Variants in MSRA observed in about 807,000 individuals in gnomAD.
MSRA encodes the protein methionine sulfoxide reductase A, also known as mitochondrial peptide methionine sulfoxide reductase.
A neutral mutation model predicts 31.3 loss-of-function variants in MSRA; 54 were observed. The ratio of observed to expected loss-of-function variants is 1.73; its 90% CI spans 1.39 to 2.17. The LOEUF (loss-of-function observed/expected upper bound fraction) is 2.17. Ranked by LOEUF, MSRA falls within the 30% of genes most tolerant of loss-of-function variation. MSRA has a pLI of 0.00. For missense variants in MSRA, 507 were observed against 300.9 expected, an observed-to-expected ratio of 1.69 and a Z score of -5.07; for synonymous variants, 169 against 116.5, an observed-to-expected ratio of 1.45 and a Z score of -2.90.
At chr8:10,069,282 C>A (rs1797612444) in intron 1 of MSRA, among the ~76,000 whole-genome samples, 1 of 152,164 alleles carries the variant, frequency 6.6e-6, no homozygotes, top group South Asian at 2.1e-4. Flanking sequence ...TTAGCTAGGA[C>A]TTCTAGTATG....
At chr8:10,174,517 T>C (rs1805868531) in intron 1 of MSRA, among the ~76,000 whole-genome samples, 1 of 152,042 alleles carries the variant, frequency 6.6e-6, no homozygotes, top group African/African-American at 2.4e-5. Flanking sequence ...CTCCCATGAC[T>C]TCCCAGCTCA....
At chr8:10,410,359 C>T (rs1398920480) in intron 5 of MSRA, among the ~76,000 whole-genome samples, 4 of 152,206 alleles carry the variant, frequency 2.6e-5, no homozygotes, top group African/African-American at 7.2e-5. Flanking sequence ...AAGGGTGGAA[C>T]AGGATGCAAG....
chr8:10,072,269 C>T (rs1797772606), intron 1 of MSRA, among the ~76,000 whole-genome samples: 1 of 150,198 alleles, frequency 6.7e-6, no homozygotes, highest in African/African-American at 2.5e-5. Context: ...TGAGTGGGGG[C>T]TGAAAGGCTG....
At chr8:10,054,907 G>T (rs1802243171) in intron 1 of MSRA, among the ~76,000 whole-genome samples, 1 of 152,234 alleles carries the variant, frequency 6.6e-6, no homozygotes, top group Non-Finnish European at 1.5e-5. Context: ...AAGGAATCTA[G>T]TGCATCGGTC....
At chr8:10,409,652 C>T (rs1808036061) in intron 5 of MSRA, among the ~76,000 whole-genome samples, 1 of 152,232 alleles carries the variant, frequency 6.6e-6, no homozygotes, top group Non-Finnish European at 1.5e-5. Flanking sequence ...AGGGTGAATG[C>T]ATACGCAGCA....
chr8:10,391,596 A>C (rs1400119302), intron 5 of MSRA, among the ~76,000 whole-genome samples: 2 of 152,274 alleles, frequency 1.3e-5, no homozygotes, highest in Non-Finnish European at 2.9e-5. Flanking sequence ...GCCAACAGTC[A>C]GGTGACAAGA....
At chr8:10,279,508 C>A (rs189080325) in intron 3 of MSRA, among the ~76,000 whole-genome samples, 4 of 152,182 alleles carry the variant, frequency 2.6e-5, no homozygotes, top group African/African-American at 9.7e-5. Context: ...TCCTCCCACC[C>A]TACCCCCCAC....
At chr8:10,123,638 T>C (rs1050643135) in intron 1 of MSRA, among the ~76,000 whole-genome samples, 8 of 152,196 alleles carry the variant, frequency 5.3e-5, no homozygotes, top group African/African-American at 1.7e-4. Context: ...AGAGTTTTTA[T>C]AGTTTTGAGG....
chr8:10,379,518 A>G (rs906245478), intron 5 of MSRA, among the ~76,000 whole-genome samples: 9 of 152,020 alleles, frequency 5.9e-5, no homozygotes, highest in African/African-American at 2.2e-4. Context: ...TCATTTCCTG[A>G]GCATCCTGGT....
chr8:10,118,351 A>G (rs1202560944), intron 1 of MSRA, among the ~76,000 whole-genome samples: 1 of 152,200 alleles, frequency 6.6e-6, no homozygotes, highest in Non-Finnish European at 1.5e-5. Flanking sequence ...GGGGAAGCAC[A>G]GCTATGTAAA....
intron 3 of MSRA, among the ~76,000 whole-genome samples, chr8:10,261,353 G>T (rs1169471218): frequency 6.9e-6 from 1 of 144,410 alleles, no homozygotes; most frequent in Admixed American, 7.0e-5. Flanking sequence ...GGATAAAATT[G>T]TTTCTGTCTT....
At chr8:10,172,868 C>G (rs1438146646) in intron 1 of MSRA, among the ~76,000 whole-genome samples, 1 of 152,066 alleles carries the variant, frequency 6.6e-6, no homozygotes, top group Admixed American at 6.5e-5. Flanking sequence ...TGCTGTGTTA[C>G]AAAGATGAAA....
chr8:10,171,927 G>A (rs777061455), intron 1 of MSRA, among the ~76,000 whole-genome samples: 1 of 152,210 alleles, frequency 6.6e-6, no homozygotes, highest in Non-Finnish European at 1.5e-5. Flanking sequence ...ATGAGAGAAT[G>A]CACTATGTGA....
intron 1 of MSRA, among the ~76,000 whole-genome samples, chr8:10,168,041 A>G (rs1805293350): frequency 6.6e-6 from 1 of 152,160 alleles, no homozygotes; most frequent in African/African-American, 2.4e-5. Flanking sequence ...GGAACCCAAC[A>G]GTTTGGGTTG....
chr8:10,249,077 C>G (rs1292830617), intron 3 of MSRA, among the ~76,000 whole-genome samples: 1 of 152,162 alleles, frequency 6.6e-6, no homozygotes, highest in African/African-American at 2.4e-5. Flanking sequence ...TGGCCACTCT[C>G]TTGGGTGTTC....
intron 1 of MSRA, among the ~76,000 whole-genome samples, chr8:10,190,855 C>T (rs1807445750): frequency 6.6e-6 from 1 of 152,290 alleles, no homozygotes; most frequent in African/African-American, 2.4e-5. Context: ...TCATCCCGTC[C>T]TTACGTGTTT....
chr8:10,204,509 G>C (rs2129058574), intron 1 of MSRA, among the ~76,000 whole-genome samples: 1 of 152,200 alleles, frequency 6.6e-6, no homozygotes, highest in African/African-American at 2.4e-5. Context: ...TTGTATTACA[G>C]TTGACTACAG....
At chr8:10,331,452 C>T (rs1802695071) in intron 5 of MSRA, among the ~76,000 whole-genome samples, 1 of 152,176 alleles carries the variant, frequency 6.6e-6, no homozygotes, top group South Asian at 2.1e-4. Flanking sequence ...GGGTAAACTT[C>T]ACAGTCACAC....
chr8:10,313,017 A>G (rs1002983803), intron 4 of MSRA, among the ~76,000 whole-genome samples: 3 of 152,224 alleles, frequency 2.0e-5, no homozygotes, highest in Admixed American at 6.5e-5. Flanking sequence ...CTCATGCAGT[A>G]AGTCAAGGAA....
Sources: gnomAD v4.1 joint callset for allele counts (sites outside exome capture counted in the v4.1 genomes callset) on GRCh38, gnomAD v4.1.1 for gene constraint, MANE v1.5 for transcripts, NCBI Gene and HGNC (gene_info 2026-07-23, HGNC 2026-07-21) for gene names.